NCOR1: variants seen among roughly 807,000 people sequenced by gnomAD.
NCOR1 encodes nuclear receptor corepressor 1.
In NCOR1, 63 loss-of-function variants were observed where a neutral mutation model predicts 288.1. The ratio of observed to expected loss-of-function variants is 0.22; its 90% confidence interval spans 0.18 to 0.27. The LOEUF (loss-of-function observed/expected upper bound fraction) is 0.27. Among genes scored for constraint, NCOR1 ranks in the 10% least tolerant of loss-of-function variants. The probability of loss-of-function intolerance (pLI) is 1.00; values close to 1 mark genes in which losing one functional copy is unlikely to be tolerated. For synonymous variants in NCOR1, 1,007 were observed against 1,065.9 expected (o/e 0.94, Z 1.08); for missense variants, 2,397 against 3,019.2 (o/e 0.79, Z 4.83).
intron 2 of NCOR1, 70 bp downstream of exon 2, chr17:16,194,392 G>T: frequency 1.0e-6 from 1 of 978,328 alleles, no homozygotes; most frequent in Non-Finnish European, 1.5e-6. Flanking sequence ...TGTCCCACAT[G>T]TGTATTAAAT....
intron 23 of NCOR1, among the ~76,000 whole-genome samples, chr17:16,083,048 T>C (rs1036516680): frequency 6.6e-6 from 1 of 152,022 alleles, no homozygotes; most frequent in Non-Finnish European, 1.5e-5. Flanking sequence ...CTGGCCAACA[T>C]GGTGAAACCC....
chr17:16,092,681 ATATATATATATATATTTTT>A lies in NCOR1; in HGVS notation c.2821-642_2821-624del, dbSNP rs1251035540. On this transcript the variant is annotated intron_variant, in intron 21 of 45. Coordinates refer to ENST00000268712, the MANE Select transcript of NCOR1 (RefSeq NM_006311.4). ...TATATATATATATATATATATATAT[ATATATATATATATATTTTT>A]TTTTTTTTTTTTTTTTAAGACATAG... Among the ~76,000 whole-genome samples the A allele has an allele frequency of 2.7e-3, 54 of 19,950 alleles. 2 individuals carry two copies. Among genetic ancestry groups the A allele is most frequent in the East Asian group, 0.026 (9 of 340 alleles). The allele number at this position is 19,950 out of a possible 152,430, so 13.1% of individuals were successfully genotyped here.
In NCOR1 at chr17:16,048,251, C is replaced by G. The variant is rs1449239651; in HGVS notation, c.6536+594G>C. Among the ~76,000 whole-genome samples, 15 of 152,172 alleles carry G rather than the reference C, an allele frequency of 9.9e-5. No homozygotes were observed. In the East Asian group the frequency reaches 2.9e-3, roughly 29 times the overall value. ...AAGCAACATGATTTGGACAGAGATT[C>G]CAGTGTAGGGATGATGCAGAGGGAA... is the stretch of plus-strand genomic sequence containing the variant. On this transcript the variant is annotated intron_variant, in intron 41 of 45. Transcript: ENST00000268712.
At position 16,158,880 on chromosome 17, in the gene NCOR1, G is replaced by C; in HGVS notation, c.619-7C>G. 6.2e-7 allele frequency: 1 copy of C among 1,604,212 alleles called. No homozygotes were observed. Among genetic ancestry groups the C allele is most frequent in the East Asian group, 2.2e-5 (1 of 44,820 alleles). On this transcript the variant is annotated splice_polypyrimidine_tract_variant and splice_region_variant and intron_variant, in intron 5 of 45. Coordinates refer to ENST00000268712, the MANE Select transcript of NCOR1 (RefSeq NM_006311.4). ...CCTCTTCTTCAAGCTGTTGCTAAGA[G>C]ATCCAGAAAGAAAGAGTCAAGCATG...
rs116532892 is a variant in NCOR1 at position 16,123,286 on chromosome 17, T to C, written c.1635-2017A>G. On this transcript the variant is annotated intron_variant, in intron 15 of 45. Transcript: ENST00000268712. ...CTCTTCCCATACTTCCTACATGTGA[T>C]CTAATGCCAAGTTTTGGTTATTTCA... Among the ~76,000 whole-genome samples, 991 of 152,314 alleles carry C rather than the reference T, an allele frequency of 6.5e-3. 10 individuals carry two copies. Among genetic ancestry groups the C allele is most frequent in the African/African-American group, 0.023 (948 of 41,558 alleles).
At chr17:16,091,238 GTGC>G (rs1302184723) in intron 22 of NCOR1, among the ~76,000 whole-genome samples, 3 of 152,142 alleles carry the variant, frequency 2.0e-5, no homozygotes, top group Non-Finnish European at 4.4e-5. Context: ...ATGTAATAAC[GTGC>G]TACATTATAC....
chr17:16,191,198 A>G (rs2088193642), intron 2 of NCOR1, among the ~76,000 whole-genome samples: 1 of 152,244 alleles, frequency 6.6e-6, no homozygotes, highest in Admixed American at 6.5e-5. Flanking sequence ...CAATTCCCTG[A>G]GCTCACTCAG....
intron 16 of NCOR1, 123 bp from the exon 17 acceptor site, chr17:16,119,608 G>A: frequency 1.8e-6 from 1 of 568,094 alleles, no homozygotes; most frequent in African/African-American, 1.9e-5. Flanking sequence ...TTTGGTGAAA[G>A]AAACTGCAGA....
rs1264306279 is a variant in NCOR1 at position 16,186,638 on chromosome 17, G to A, written c.158C>T (p.Ala53Val). 4 of 1,613,922 alleles carry A rather than the reference G, an allele frequency of 2.5e-6. No homozygotes were observed. Among genetic ancestry groups the A allele is most frequent in the Non-Finnish European group, 3.4e-6 (4 of 1,179,942 alleles). ...YRSSHLEVSQASQLLQQQQQQ... is the reference protein window; with the variant it reads ...YRSSHLEVSQVSQLLQQQQQQ... ...CTGCTGTTGCTGCAAAAGCTGTGATGCCTGACTCACTTCAAGATGAGAGGA... is the reference window on the plus strand; with the variant it reads ...CTGCTGTTGCTGCAAAAGCTGTGATACCTGACTCACTTCAAGATGAGAGGA... Residue 53 changes from alanine to valine, a missense_variant, in exon 3 of 46, where the codon GCA (alanine) becomes GTA (valine). Around this residue, in one of 11 missense-constraint regions of NCOR1, gnomAD observed 55 missense variants for 69.6 expected, o/e 0.79. Coordinates refer to ENST00000268712, the MANE Select transcript of NCOR1 (RefSeq NM_006311.4).
rs776442703 is a variant in NCOR1 at position 16,075,732 on chromosome 17, G to A, written c.3502-30C>T. ...CATCAAATCAAGCATAAATAGCAGAGGAGTCACTCGAGTTTAGGGAAAACA... is the reference window on the plus strand; with the variant it reads ...CATCAAATCAAGCATAAATAGCAGAAGAGTCACTCGAGTTTAGGGAAAACA... On this transcript the variant is annotated intron_variant, in intron 26 of 45. Transcript: ENST00000268712. 2.5e-6 allele frequency: 4 copies of A among 1,611,730 alleles called. No homozygotes were observed. In the South Asian group the frequency reaches 3.3e-5, roughly 13 times the overall value.
chr17:16,207,524 G>A (rs1197534106), intron 1 of NCOR1, among the ~76,000 whole-genome samples: 8 of 152,154 alleles, frequency 5.3e-5, no homozygotes, highest in East Asian at 3.9e-4. Flanking sequence ...GGCGGATCAC[G>A]AGGTCAGGAG....
At chr17:16,187,998 T>C (rs1369587336) in intron 2 of NCOR1, among the ~76,000 whole-genome samples, 2 of 151,822 alleles carry the variant, frequency 1.3e-5, no homozygotes, top group African/African-American at 2.4e-5. Flanking sequence ...AAGAGGAGAA[T>C]TGAAACTGCT....
intron 2 of NCOR1, 119 bp from the exon 3 acceptor site, chr17:16,186,806 T>C (rs2086756629): frequency 4.9e-6 from 4 of 815,862 alleles, no homozygotes; most frequent in South Asian, 1.8e-5. Flanking sequence ...GCAATGACTA[T>C]TTCAATCCTT....
chr17:16,135,237 G>A (rs1374489365), intron 14 of NCOR1, among the ~76,000 whole-genome samples: 1 of 150,860 alleles, frequency 6.6e-6, no homozygotes, highest in African/African-American at 2.4e-5. Context: ...CTAGCTAAAA[G>A]GGTATTACAG....
chr17:16,086,428 G>C lies in NCOR1; in HGVS notation c.3031C>G (p.Pro1011Ala), dbSNP rs1364228316. The C allele has an allele frequency of 1.2e-6, 2 of 1,613,594 alleles. No individual in the cohort carries two copies. Among genetic ancestry groups the C allele is most frequent in the South Asian group, 2.2e-5 (2 of 91,038 alleles). Residue 1011 changes from proline (P) to alanine (A), a missense_variant, in exon 23 of 46, where the codon CCA (proline) becomes GCA (alanine). Transcript: ENST00000268712. ...NREWEVLQPA[P>A]HQVITNLPEG... ...GGGAGATTAGTTATCACTTGATGTG[G>C]AGCAGGCTGAAGGACTTTTAAAAGG...
At chr17:16,162,364 T>G (rs1381045269) in intron 5 of NCOR1, among the ~76,000 whole-genome samples, 1 of 151,848 alleles carries the variant, frequency 6.6e-6, no homozygotes, top group Admixed American at 6.6e-5. Context: ...AAGAAACTGT[T>G]AGAAAGGTTT....
intron 20 of NCOR1, among the ~76,000 whole-genome samples, chr17:16,100,547 A>G (rs1462063928): frequency 6.6e-6 from 1 of 152,216 alleles, no homozygotes; most frequent in African/African-American, 2.4e-5. Context: ...AGGCTGAGGC[A>G]GGAGAATCAC....
chr17:16,065,909 A>T (rs1388162935), intron 32 of NCOR1: 1 of 555,314 alleles, frequency 1.8e-6, no homozygotes, highest in East Asian at 3.0e-5. Context: ...AAGGGGAAGG[A>T]TAACAGTAGC....
chr17:16,179,541 A>G (rs1204439703), intron 3 of NCOR1, among the ~76,000 whole-genome samples: 1 of 152,206 alleles, frequency 6.6e-6, no homozygotes, highest in Non-Finnish European at 1.5e-5. Context: ...CTGAATAGTC[A>G]AAGAAAAATA....
Sources: allele counts gnomAD v4.1 joint callset (sites outside exome capture counted in the v4.1 genomes callset), GRCh38; gene constraint gnomAD v4.1.1; regional missense constraint gnomAD v4.1.1; transcripts MANE v1.5; gene names NCBI Gene and HGNC (gene_info 2026-07-23, HGNC 2026-07-21).